Variants in NRXN1 observed in about 807,000 individuals in gnomAD.
NRXN1 encodes neurexin-1.
NRXN1 carries 39 observed loss-of-function variants against 150.9 expected under a neutral mutation model. The ratio of observed to expected loss-of-function variants is 0.26; its 90% CI spans 0.20 to 0.34. The LOEUF is 0.34. NRXN1 is among the 10% of genes least tolerant of loss of function. NRXN1 has a pLI of 1.00. For missense variants in NRXN1, 1,815 were observed against 1,949.9 expected (o/e 0.93, Z 1.30); for synonymous variants, 924 against 757.0 (o/e 1.22, Z -3.62).
intron 17 of NRXN1, among the ~76,000 whole-genome samples, chr2:50,369,430 C>T (rs1324626554): frequency 1.3e-5 from 2 of 151,890 alleles, no homozygotes; most frequent in Non-Finnish European, 2.9e-5. Context: ...AATTCTTATT[C>T]TTCCATGCCA....
At chr2:50,029,656 C>T (rs1337177375) in intron 21 of NRXN1, among the ~76,000 whole-genome samples, 2 of 152,142 alleles carry the variant, frequency 1.3e-5, no homozygotes, top group East Asian at 3.9e-4. Context: ...TTACTGGCAT[C>T]TTGATCTTGG....
chr2:50,327,749 A>G lies in NRXN1; in HGVS notation c.3365-90779T>C, dbSNP rs184417012. On this transcript the variant is annotated intron_variant, in intron 17 of 22. Coordinates refer to ENST00000401669, the MANE Select transcript of NRXN1 (RefSeq NM_001330078.2). ...ACTGCAACCTCTGCCTCCCACGTTC[A>G]AGGGATTCTCCTGCTTCAGCCTCCT... Among the ~76,000 whole-genome samples, 637 of 151,868 alleles carry G rather than the reference A, an allele frequency of 4.2e-3. 2 individuals are homozygous for G. Among genetic ancestry groups the G allele is most frequent in the African/African-American group, 0.015 (617 of 41,426 alleles).
chr2:49,967,182 T>C lies in NRXN1; in HGVS notation c.4129-23391A>G, dbSNP rs569224441. 2.9e-4 allele frequency among the ~76,000 whole-genome samples: 44 copies of C among 152,246 alleles called. 1 individual carries two copies. Among genetic ancestry groups the C allele is most frequent in the African/African-American group, 1.0e-3 (43 of 41,572 alleles). ...AAAATTGATTAAAATTAACTGAATG[T>C]TAATTTCTTAGTATTGACAGATATA... On this transcript the variant is annotated intron_variant, in intron 21 of 22. Transcript: ENST00000401669.
intron 5 of NRXN1, among the ~76,000 whole-genome samples, chr2:50,763,293 G>C (rs1391708528): frequency 1.3e-5 from 2 of 151,944 alleles, no homozygotes; most frequent in Non-Finnish European, 2.9e-5. Flanking sequence ...ATTTGTATCA[G>C]ACAGCTGGTC....
At chr2:49,937,006 T>C (rs1451583460) in intron 22 of NRXN1, among the ~76,000 whole-genome samples, 2 of 152,204 alleles carry the variant, frequency 1.3e-5, no homozygotes, top group Non-Finnish European at 2.9e-5. Context: ...TCTTAGGGCA[T>C]TTGTAATTTC....
intron 18 of NRXN1, among the ~76,000 whole-genome samples, chr2:50,232,093 A>G (rs1400759916): frequency 6.6e-6 from 1 of 152,120 alleles, no homozygotes; most frequent in East Asian, 1.9e-4. Flanking sequence ...AGAGAGATGA[A>G]GAAATATCAA....
intron 21 of NRXN1, among the ~76,000 whole-genome samples, chr2:50,047,531 G>A (rs532712434): frequency 1.3e-5 from 2 of 152,052 alleles, no homozygotes; most frequent in South Asian, 2.1e-4. Flanking sequence ...AATGCTGCCA[G>A]TGGCACTATC....
intron 5 of NRXN1, among the ~76,000 whole-genome samples, chr2:50,759,574 A>G (rs1701555146): frequency 6.6e-6 from 1 of 151,956 alleles, no homozygotes; most frequent in Non-Finnish European, 1.5e-5. Flanking sequence ...TATAAGAAAA[A>G]GCATTGAAAA....
intron 5 of NRXN1, among the ~76,000 whole-genome samples, chr2:50,855,060 G>A (rs553593830): frequency 5.9e-5 from 9 of 152,006 alleles, no homozygotes; most frequent in Middle Eastern, 3.4e-3. Flanking sequence ...TAGACACACC[G>A]GGGTTGAGAT....
At chr2:50,203,087 G>T (rs1050878788) in intron 18 of NRXN1, among the ~76,000 whole-genome samples, 2 of 152,138 alleles carry the variant, frequency 1.3e-5, no homozygotes, top group African/African-American at 4.8e-5. Context: ...GAAGAGCCTG[G>T]AGAATCAAGG....
intron 18 of NRXN1, among the ~76,000 whole-genome samples, chr2:50,202,700 A>T (rs2152835044): frequency 6.6e-6 from 1 of 152,290 alleles, no homozygotes; most frequent in Admixed American, 6.5e-5. Flanking sequence ...TAAGGAGGAG[A>T]TGATATATGA....
chr2:50,588,675 T>C (rs1673571789), intron 8 of NRXN1: 1 of 152,176 alleles, frequency 6.6e-6, no homozygotes, highest in Non-Finnish European at 1.5e-5. Flanking sequence ...AAATTAGTTA[T>C]ATTTCATCAT....
chr2:50,453,047 G>A (rs920015425), intron 17 of NRXN1, among the ~76,000 whole-genome samples: 2 of 152,268 alleles, frequency 1.3e-5, no homozygotes, highest in East Asian at 1.9e-4. Context: ...ATCCAAGATA[G>A]TATTAAAACC....
intron 5 of NRXN1, among the ~76,000 whole-genome samples, chr2:50,915,387 C>T (rs1685073940): frequency 6.6e-6 from 1 of 151,626 alleles, no homozygotes; most frequent in Non-Finnish European, 1.5e-5. Context: ...TATCTCCCTG[C>T]CTCCTTCAAC....
intron 19 of NRXN1, among the ~76,000 whole-genome samples, chr2:50,056,356 A>G (rs1558782979): frequency 6.6e-6 from 1 of 152,144 alleles, no homozygotes; most frequent in Non-Finnish European, 1.5e-5. Context: ...ATAGAAAAGA[A>G]CTATCTTTTA....
intron 19 of NRXN1, among the ~76,000 whole-genome samples, chr2:50,089,970 A>G (rs1699347380): frequency 6.6e-6 from 1 of 152,202 alleles, no homozygotes; most frequent in African/African-American, 2.4e-5. Context: ...ACATAATTGT[A>G]GTGTAAAATT....
At chr2:50,335,258 T>C (rs1441712287) in intron 17 of NRXN1, among the ~76,000 whole-genome samples, 1 of 152,228 alleles carries the variant, frequency 6.6e-6, no homozygotes, top group Non-Finnish European at 1.5e-5. Flanking sequence ...TTCCTTTGAC[T>C]TGGTATTTTG....
At chr2:50,063,850 G>A (rs546496575) in intron 19 of NRXN1, among the ~76,000 whole-genome samples, 28 of 152,198 alleles carry the variant, frequency 1.8e-4, no homozygotes, top group African/African-American at 6.7e-4. Context: ...ACACAATGGT[G>A]AGCACATGGT....
intron 21 of NRXN1, among the ~76,000 whole-genome samples, chr2:49,988,191 T>G (rs61405508): frequency 0.47 from 70,872 of 151,662 alleles, 17,204 homozygotes; most frequent in Middle Eastern, 0.6. Flanking sequence ...TCTTACATAA[T>G]AAATAATTTC....
Sources: gnomAD v4.1 joint callset for allele counts (sites outside exome capture counted in the v4.1 genomes callset) on GRCh38, gnomAD v4.1.1 for gene constraint, MANE v1.5 for transcripts, NCBI Gene and HGNC (gene_info 2026-07-23, HGNC 2026-07-21) for gene names.